The following ZCCHC14 variants were observed in gnomAD, a reference collection of about 807,000 sequenced individuals.
ZCCHC14 encodes zinc finger CCHC domain-containing protein 14.
Under a neutral mutation model 85.0 loss-of-function variants are expected in ZCCHC14, and 16 were observed. The ratio of observed to expected loss-of-function variants is 0.19; its 90% confidence interval spans 0.13 to 0.29. ZCCHC14 has a LOEUF of 0.29. Among genes scored for constraint, ZCCHC14 ranks in the 10% least tolerant of loss-of-function variants. ZCCHC14 has a pLI of 1.00. For synonymous variants in ZCCHC14, 775 were observed against 630.7 expected (o/e 1.23, Z -3.43); for missense variants, 1,303 against 1,443.5 (o/e 0.90, Z 1.58).
At chr16:87,416,989 T>A (rs969795498) in intron 8 of ZCCHC14, among the ~76,000 whole-genome samples, 1 of 152,202 alleles carries the variant, frequency 6.6e-6, no homozygotes, top group Non-Finnish European at 1.5e-5. Context: ...ACATCAAGAC[T>A]TAAGAAATTT....
intron 2 of ZCCHC14, among the ~76,000 whole-genome samples, chr16:87,456,285 C>T (rs7194676): frequency 0.66 from 99,961 of 151,852 alleles, 36,223 homozygotes; most frequent in Non-Finnish European, 0.82. Flanking sequence ...AATCCCAGCA[C>T]TTTGGGAAGC....
At chr16:87,430,667 G>A (rs1909609745) in intron 3 of ZCCHC14, among the ~76,000 whole-genome samples, 1 of 151,942 alleles carries the variant, frequency 6.6e-6, no homozygotes, top group African/African-American at 2.4e-5. Context: ...GACTACGGGT[G>A]CCCGCCACCG....
intron 3 of ZCCHC14, among the ~76,000 whole-genome samples, chr16:87,429,179 C>T (rs796807403): frequency 6.6e-6 from 1 of 152,340 alleles, no homozygotes; most frequent in African/African-American, 2.4e-5. Flanking sequence ...AGCTCCCCCA[C>T]ACCGCAGCCT....
intron 1 of ZCCHC14, chr16:87,467,144 C>T: frequency 9.3e-7 from 1 of 1,081,044 alleles, no homozygotes; most frequent in Non-Finnish European, 1.4e-6. Flanking sequence ...CCAGATCAGA[C>T]CTGTTGATAG....
intron 1 of ZCCHC14, among the ~76,000 whole-genome samples, chr16:87,476,017 A>G (rs989932183): frequency 2.0e-5 from 3 of 152,244 alleles, no homozygotes; most frequent in African/African-American, 7.2e-5. Flanking sequence ...TTGTGAGCAC[A>G]GGGGAGCAGC....
intron 2 of ZCCHC14, among the ~76,000 whole-genome samples, chr16:87,434,641 C>G (rs917387459): frequency 6.6e-6 from 1 of 152,236 alleles, no homozygotes; most frequent in African/African-American, 2.4e-5. Context: ...GCCCTCTCCA[C>G]GGGCGCCAGT....
chr16:87,422,580 AAGAG>A (rs1044354282), intron 4 of ZCCHC14, among the ~76,000 whole-genome samples: 15 of 151,508 alleles, frequency 9.9e-5, no homozygotes, highest in Admixed American at 4.6e-4. Context: ...AAAAAAAAAA[AAGAG>A]AGAGAGCTGG....
intron 2 of ZCCHC14, 39 bp downstream of exon 2, chr16:87,459,969 T>A: frequency 6.2e-7 from 1 of 1,613,518 alleles, no homozygotes; most frequent in Non-Finnish European, 8.5e-7. Context: ...CCATCCTCCG[T>A]CCGTCAGACG....
chr16:87,412,748 G>A lies in ZCCHC14; in HGVS notation c.1973C>T (p.Ala658Val), dbSNP rs375771674. ...AGAAGACGAGAGGAGCTTCATGTCC[G>A]CGCTCCCTCTTTCCGGCTTGTGCAC... ...NSVHKPERGS[A>V]DMKLLSSSVH... The change falls in exon 12 of 13, where the codon GCG becomes GTG. Residue 658 changes from alanine (A) to valine (V), a missense_variant. By Grantham distance (64) the Ala-to-Val change is moderately conservative. Coordinates refer to ENST00000671377, the MANE Select transcript of ZCCHC14 (RefSeq NM_015144.3). 68 of 1,614,090 alleles carry A rather than the reference G, an allele frequency of 4.2e-5. No individual in the cohort carries two copies. Among genetic ancestry groups the A allele is most frequent in the South Asian group, 1.6e-4 (15 of 91,092 alleles).
At position 87,413,204 on chromosome 16, in the gene ZCCHC14, A is replaced by G; in HGVS notation, c.1604-9T>C. The G allele has an allele frequency of 6.5e-7, 1 of 1,544,060 alleles. No homozygotes were observed. The highest frequency in any genetic ancestry group is 8.7e-7 in the Non-Finnish European group (1 of 1,146,676). On this transcript the variant is annotated splice_polypyrimidine_tract_variant and intron_variant, in intron 10 of 12. Transcript: ENST00000671377. ...CACTTCCACCCGCAGCTCTGCAGAAAAGGGACAGAGGAGCAGCCATCAACT... is the reference window on the plus strand; with the variant it reads ...CACTTCCACCCGCAGCTCTGCAGAAGAGGGACAGAGGAGCAGCCATCAACT...
At position 87,488,266 on chromosome 16, in the gene ZCCHC14, G is replaced by A. The variant is rs995209612; in HGVS notation, c.570+3403C>T. Among the ~76,000 whole-genome samples, 69 of 152,218 alleles carry A rather than the reference G, an allele frequency of 4.5e-4. 1 individual carries two copies. Among genetic ancestry groups the A allele is most frequent in the African/African-American group, 1.5e-3 (64 of 41,532 alleles). On this transcript the variant is annotated intron_variant, in intron 1 of 12. Transcript: ENST00000671377. ...TCCAAAACTATGGTCTTTTATTTAC[G>A]TAAAATAGGCATTGGAAAGTCTAAG...
At chr16:87,414,674 A>G in intron 9 of ZCCHC14, 133 bp from the exon 10 acceptor site, 1 of 1,257,622 alleles carries the variant, frequency 8.0e-7, no homozygotes, top group Non-Finnish European at 1.1e-6. Flanking sequence ...GGTCTACTCC[A>G]CACCACAGGG....
intron 4 of ZCCHC14, among the ~76,000 whole-genome samples, chr16:87,421,325 C>T (rs1909084051): frequency 6.6e-6 from 1 of 152,162 alleles, no homozygotes; most frequent in South Asian, 2.1e-4. Context: ...CCCCAGAGCC[C>T]AAACCAAAGG....
intron 1 of ZCCHC14, among the ~76,000 whole-genome samples, chr16:87,469,502 G>A (rs1030709726): frequency 6.6e-6 from 1 of 152,250 alleles, no homozygotes; most frequent in Non-Finnish European, 1.5e-5. Context: ...GGCGGCCAGT[G>A]CTGGGTCCAC....
chr16:87,442,404 A>C (rs1910229420), intron 2 of ZCCHC14, among the ~76,000 whole-genome samples: 1 of 152,154 alleles, frequency 6.6e-6, no homozygotes, highest in African/African-American at 2.4e-5. Context: ...CTATTCAAGA[A>C]AATCAACAGA....
intron 2 of ZCCHC14, among the ~76,000 whole-genome samples, chr16:87,434,010 A>G (rs1468887594): frequency 1.3e-5 from 2 of 152,166 alleles, no homozygotes; most frequent in Non-Finnish European, 2.9e-5. Context: ...CCAGAACAAC[A>G]GTCCTGGGGG....
rs146615385 is a variant in ZCCHC14 at position 87,408,925 on chromosome 16, C to T, written c.*1355G>A. On this transcript the variant is annotated 3_prime_UTR_variant, in exon 13 of 13. Transcript: ENST00000671377. ...AGTATTTTAACATTGAAGACTTTAG[C>T]ATTTTCGATAAGAGTATTATTTGAG... 27 of 152,746 alleles carry T rather than the reference C, an allele frequency of 1.8e-4. No homozygotes were observed. The highest frequency in any genetic ancestry group is 6.0e-4 in the African/African-American group (25 of 41,570). 9.5% of individuals were successfully genotyped at this position (152,746 alleles called of 1,614,324 possible). A position where few individuals can be genotyped will look rare whatever the true frequency, so the allele number is the denominator to read the frequency against.
At chr16:87,464,557 G>C (rs1366360356) in intron 1 of ZCCHC14, among the ~76,000 whole-genome samples, 2 of 152,124 alleles carry the variant, frequency 1.3e-5, no homozygotes, top group Non-Finnish European at 2.9e-5. Context: ...ACTGGAAGGG[G>C]AAAGCCCGTG....
Position 87,487,842 on chromosome 16 carries a change from CG to C in ZCCHC14, c.570+3826del, listed in dbSNP as rs143106120. On this transcript the variant is annotated intron_variant, in intron 1 of 12. Coordinates refer to ENST00000671377, the MANE Select transcript of ZCCHC14 (RefSeq NM_015144.3). Reference sequence around the variant, plus strand: ...AGTGCTGACACACCCACAGCATGGACGGGCCCTGACATCACGACACCGAGTG... The same window carrying C: ...AGTGCTGACACACCCACAGCATGGACGGCCCTGACATCACGACACCGAGTG... Among the ~76,000 whole-genome samples, 621 of 152,190 alleles carry C rather than the reference CG, an allele frequency of 4.1e-3. 6 individuals carry two copies. In the East Asian group the frequency reaches 0.046, roughly 11 times the overall value.
Sources: gnomAD v4.1 joint callset for allele counts (sites outside exome capture counted in the v4.1 genomes callset) on GRCh38, gnomAD v4.1.1 for gene constraint, MANE v1.5 for transcripts, NCBI Gene and HGNC (gene_info 2026-07-23, HGNC 2026-07-21) for gene names.